MUC6: variants seen among roughly 807,000 people sequenced by gnomAD.
The protein encoded by MUC6 is mucin 6, oligomeric mucus/gel-forming (gene/pseudogene), also known as mucin-6.
MUC6 carries 188 observed loss-of-function variants against 201.5 expected under a neutral mutation model. That is an observed-to-expected ratio of 0.93 (90% CI 0.83 to 1.05). MUC6 has a LOEUF of 1.05. Among genes scored for constraint, MUC6 ranks in the 50% least tolerant of loss-of-function variants. The pLI is 0.00. For synonymous variants in MUC6, 1,228 were observed against 1,389.4 expected, an observed-to-expected ratio of 0.88 and a Z score of 2.58; for missense variants, 2,706 against 3,256.9, an observed-to-expected ratio of 0.83 and a Z score of 4.12.
intron 1 of MUC6, among the ~76,000 whole-genome samples, chr11:1,036,389 G>T (rs990040152): frequency 6.6e-5 from 10 of 152,168 alleles, no homozygotes; most frequent in South Asian, 4.1e-4. Context: ...GGCCCCATGG[G>T]GTCCCTGACC....
Position 1,030,246 on chromosome 11 carries a change from T to C in MUC6, c.982A>G (p.Ser328Gly). The C allele has an allele frequency of 6.4e-7, 1 of 1,551,032 alleles. No homozygotes were observed. The highest frequency in any genetic ancestry group is 8.7e-7 in the Non-Finnish European group (1 of 1,147,660). Reference sequence around the variant, plus strand: ...CAGAAGCACCCGAAGGTGCAGGAGCTGGAGCAGCTGTGCTGCGGGTTGGAG... The same window carrying C: ...CAGAAGCACCCGAAGGTGCAGGAGCCGGAGCAGCTGTGCTGCGGGTTGGAG... Reference protein sequence around the residue: ...TCSNPQHSCSSSCTFGCFCPE... With the variant: ...TCSNPQHSCSGSCTFGCFCPE... Residue 328 changes from serine (S) to glycine (G), a missense_variant, in exon 8 of 33, where the codon AGC (serine) becomes GGC (glycine). By Grantham distance (56) the Ser-to-Gly change is moderately conservative. Coordinates refer to ENST00000421673, the MANE Select transcript of MUC6 (RefSeq NM_005961.3).
chr11:1,034,664 C>T (rs1201255072), intron 1 of MUC6, among the ~76,000 whole-genome samples: 1 of 152,214 alleles, frequency 6.6e-6, no homozygotes, highest in South Asian at 2.1e-4. Context: ...TGACCGGTCT[C>T]CCCTGGGCAA....
At position 1,033,177 on chromosome 11, in the gene MUC6, C is replaced by G. The variant is rs780251225; in HGVS notation, c.53-102G>C. 1.7e-6 allele frequency: 2 copies of G among 1,196,082 alleles called. No individual in the cohort carries two copies. Among genetic ancestry groups the G allele is most frequent in the South Asian group, 2.5e-5 (2 of 81,602 alleles). The allele number at this position is 1,196,082 out of a possible 1,614,324, so 74.1% of individuals were successfully genotyped here. On this transcript the variant is annotated intron_variant, in intron 1 of 32. Coordinates refer to ENST00000421673, the MANE Select transcript of MUC6 (RefSeq NM_005961.3). The surrounding 1 kb of genome is among the most constrained non-coding windows in gnomAD (Gnocchi z 5.6). ...TGCTCCGCCCGTTTCCCTGCACACA[C>G]TCGGCGTGCGAGAAGTGTCCATGGC...
At chr11:1,035,178 A>G (rs181691828) in intron 1 of MUC6, among the ~76,000 whole-genome samples, 44 of 152,078 alleles carry the variant, frequency 2.9e-4, no homozygotes, top group African/African-American at 1.0e-3. Context: ...GGCCCCTCCC[A>G]TGTTGGCAGA....
Position 1,023,606 on chromosome 11 carries a change from G to C in MUC6, c.3429C>G (p.Gly1143=). 2 of 1,613,120 alleles carry C rather than the reference G, an allele frequency of 1.2e-6. No individual in the cohort carries two copies. Among genetic ancestry groups the C allele is most frequent in the Non-Finnish European group, 1.7e-6 (2 of 1,179,820 alleles). The change falls in exon 26 of 33, where the codon GGC becomes GGG. Residue 1143 remains glycine (G), a synonymous_variant. Coordinates refer to ENST00000421673, the MANE Select transcript of MUC6 (RefSeq NM_005961.3). ...FYNTHTQDGH[G]EYQYTQEANC... ...TGGCCTCCTGTGTGTACTGGTACTC[G>C]CCATGGCCGTCCTGCGTGTGCGTGT...
chr11:1,027,756 C>G lies in MUC6; in HGVS notation c.1910G>C (p.Gly637Ala). The G allele has an allele frequency of 6.2e-7, 1 of 1,610,326 alleles. No individual in the cohort carries two copies. Among genetic ancestry groups the G allele is most frequent in the Non-Finnish European group, 8.5e-7 (1 of 1,178,902 alleles). ...CAAGGAGCAGGCGTGTACGTAGTCG[C>G]CCAGGGCGGCACAGATGTGGGGAAA... is the stretch of plus-strand genomic sequence containing the variant. The part of the protein sequence containing the change: ...ETFPHICAAL[G>A]DYVHACSLRG... The change falls in exon 16 of 33, where the codon GGC becomes GCC. Residue 637 changes from glycine to alanine, a missense_variant. This residue lies in a region of MUC6 where 1,850 missense variants were observed against 1,958.3 expected (regional missense o/e 0.94). Transcript: ENST00000421673.
rs61024032 is a variant in MUC6, at chr11:1,021,527, C to T, written c.3527-250G>A. On this transcript the variant is annotated intron_variant, in intron 26 of 32. Transcript: ENST00000421673. Reference sequence around the variant, plus strand: ...CTGCGATTGCAGGCATGTGCCATGACGCCCGGCTAATTTTTGTATTTTTAG... The same window carrying T: ...CTGCGATTGCAGGCATGTGCCATGATGCCCGGCTAATTTTTGTATTTTTAG... 1.0e-3 allele frequency among the ~76,000 whole-genome samples: 153 copies of T among 152,212 alleles called. 1 individual carries two copies. Among genetic ancestry groups the T allele is most frequent in the African/African-American group, 3.6e-3 (149 of 41,526 alleles).
chr11:1,024,250 G>A (rs1225310997), intron 24 of MUC6, 147 bp from the exon 25 acceptor site: 4 of 987,930 alleles, frequency 4.0e-6, no homozygotes, highest in Non-Finnish European at 5.9e-6. Context: ...GTGGACCTCA[G>A]CCCTGACCGC....
At chr11:1,014,038 G>A in intron 31 of MUC6, 37 bp from the exon 32 acceptor site, 1 of 1,551,440 alleles carries the variant, frequency 6.4e-7, no homozygotes, top group Non-Finnish European at 8.8e-7. Context: ...CGCCCAGGGT[G>A]GGCATGGAGC....
chr11:1,018,491 G>A lies in MUC6; in HGVS notation c.4310C>T (p.Ser1437Leu). Residue 1437 changes from serine (S) to leucine (L), a missense_variant, in exon 31 of 33, where the codon TCA becomes TTA. Transcript: ENST00000421673. ...FHATTTYPTP[S>L]HPETTLPTHV... ...AGTGGGAAGTGTGGTCTCAGGGTGT[G>A]ATGGGGTTGGATAGGTAGTGGTGGC... The A allele has an allele frequency of 1.2e-6, 2 of 1,613,972 alleles. No homozygotes were observed. Among genetic ancestry groups the A allele is most frequent in the Non-Finnish European group, 1.7e-6 (2 of 1,179,822 alleles).
In MUC6 at chr11:1,018,622, C is replaced by T. The variant is rs746729293; in HGVS notation, c.4179G>A (p.Thr1393=). ...TTTGGGGCGTTGTGTATTCAGTAGT[C>T]GTTCTTGTTTGAGTGGTCTCTGTGG... The part of the protein sequence containing the change: ...PTATETTQTR[T]TTEYTTPQTP... Residue 1393 remains threonine, a synonymous_variant, in exon 31 of 33, where the codon ACG becomes ACA. Transcript: ENST00000421673. The T allele has an allele frequency of 1.6e-5, 26 of 1,612,376 alleles. No individual in the cohort carries two copies. Among genetic ancestry groups the T allele is most frequent in the Middle Eastern group, 1.6e-4 (1 of 6,078 alleles).
In MUC6 at chr11:1,021,235, T is replaced by C; in HGVS notation, c.3569A>G (p.Glu1190Gly). The stretch of plus-strand genomic sequence containing the variant: ...CTTACTGCAGGGCACGCACACCCCC[T>C]CCTCGTGGTCGAAGTACTCATCCTG... ...CSQDEYFDHEEGVCVPCMPPT... is the reference protein window; with the variant it reads ...CSQDEYFDHEGGVCVPCMPPT... The change falls in exon 27 of 33, where the codon GAG becomes GGG. Residue 1190 changes from glutamate to glycine, a missense_variant. By Grantham distance (98) the Glu-to-Gly change is moderately conservative (BLOSUM62 -2). Coordinates refer to ENST00000421673, the MANE Select transcript of MUC6 (RefSeq NM_005961.3). 6.3e-7 allele frequency: 1 copy of C among 1,591,230 alleles called. No homozygotes were observed. The highest frequency in any genetic ancestry group is 8.6e-7 in the Non-Finnish European group (1 of 1,169,544).
intron 1 of MUC6, among the ~76,000 whole-genome samples, chr11:1,036,298 C>T (rs1252962132): frequency 6.6e-6 from 1 of 152,176 alleles, no homozygotes; most frequent in Non-Finnish European, 1.5e-5. Flanking sequence ...ACTGTTCCCG[C>T]GGGAGTGCCG....
At position 1,023,660 on chromosome 11, in the gene MUC6, G is replaced by T; in HGVS notation, c.3383-8C>A. On this transcript the variant is annotated splice_polypyrimidine_tract_variant and splice_region_variant and intron_variant, in intron 25 of 32. Coordinates refer to ENST00000421673, the MANE Select transcript of MUC6 (RefSeq NM_005961.3). ...AGAAGCCGCAGTAGATGGCTGGGAG[G>T]AAGGGAGCTGTCAGCTGGTGGGGTT... 1 of 1,611,618 alleles carries T rather than the reference G, an allele frequency of 6.2e-7. No individual in the cohort carries two copies. Among genetic ancestry groups the T allele is most frequent in the Middle Eastern group, 2.1e-4 (1 of 4,788 alleles).
Position 1,027,027 on chromosome 11 carries a change from A to T in MUC6, c.2308T>A (p.Phe770Ile). 6.2e-7 allele frequency: 1 copy of T among 1,602,890 alleles called. No individual in the cohort carries two copies. The highest frequency in any genetic ancestry group is 8.5e-7 in the Non-Finnish European group (1 of 1,175,500). The change falls in exon 19 of 33, where the codon TTC (phenylalanine) becomes ATC (isoleucine). Residue 770 changes from phenylalanine (F) to isoleucine (I), a missense_variant. Phe to Ile is a conservative substitution (Grantham distance 21). Transcript: ENST00000421673. ...TCGGAGGACTGGCTGCAGGACTTGA[A>T]GGTCTTAGGGGCCTGGCAGGAGGCT... ...FLASCQAPKT[F>I]KSCSQSSENK...
At chr11:1,019,861 G>A in intron 29 of MUC6, 1 of 701,148 alleles carries the variant, frequency 1.4e-6, no homozygotes, top group South Asian at 1.6e-5. Flanking sequence ...ACGGTTTCTA[G>A]TGACAGCAGC....
chr11:1,025,132 C>G (rs1343571439), intron 23 of MUC6, 49 bp from the exon 24 acceptor site: 2 of 1,611,144 alleles, frequency 1.2e-6, no homozygotes, highest in East Asian at 2.2e-5. Context: ...CCATCTGTCT[C>G]CACCCCTGCA....
At chr11:1,024,293 A>G (rs896190358) in intron 24 of MUC6, among the ~76,000 whole-genome samples, 190 bp from the exon 25 acceptor site, 1 of 152,142 alleles carries the variant, frequency 6.6e-6, no homozygotes, top group Non-Finnish European at 1.5e-5. Context: ...GCTGCCACGG[A>G]GGCCTGACCC....
At chr11:1,025,437 G>A (rs933900210) in intron 22 of MUC6, 70 bp from the exon 23 acceptor site, 76 of 1,534,910 alleles carry the variant, frequency 5.0e-5, no homozygotes, top group South Asian at 1.4e-4. Context: ...GTGCTGGACC[G>A]AGCTCTCAGA....
Sources: allele counts gnomAD v4.1 joint callset (sites outside exome capture counted in the v4.1 genomes callset), GRCh38; gene constraint gnomAD v4.1.1; regional missense constraint gnomAD v4.1.1; non-coding constraint Gnocchi (gnomAD v3.1); transcripts MANE v1.5; gene names NCBI Gene and HGNC (gene_info 2026-07-23, HGNC 2026-07-21).